ALOX5AP: variants seen among roughly 807,000 people sequenced by gnomAD.
ALOX5AP encodes arachidonate 5-lipoxygenase activating protein.
A neutral mutation model predicts 18.5 loss-of-function variants in ALOX5AP; 9 were observed. The ratio of observed to expected loss-of-function variants is 0.49; its 90% CI spans 0.29 to 0.85. The LOEUF (loss-of-function observed/expected upper bound fraction) is 0.85, where lower values mean the gene tolerates loss of function less well. Among genes scored for constraint, ALOX5AP ranks in the 40% least tolerant of loss-of-function variants. The pLI is 0.08. For missense variants in ALOX5AP, 172 were observed against 202.5 expected (o/e 0.85, Z 0.91); for synonymous variants, 81 against 78.6 (o/e 1.03, Z -0.16).
Position 30,764,310 on chromosome 13 carries a change from A to C in ALOX5AP, c.*204A>C. ...GCCCCTTGAACATGACCGTGGCCCC[A>C]AATTTGCTATTCCCATGCATTTTGT... On this transcript the variant is annotated 3_prime_UTR_variant, in exon 5 of 5. Coordinates refer to ENST00000380490, the MANE Select transcript of ALOX5AP (RefSeq NM_001629.4). The C allele has an allele frequency of 3.9e-6, 2 of 512,052 alleles. No individual in the cohort carries two copies. Among genetic ancestry groups the C allele is most frequent in the South Asian group, 6.8e-5 (2 of 29,494 alleles). The allele number at this position is 512,052 out of a possible 1,614,324, so 31.7% of individuals were successfully genotyped here.
In ALOX5AP at chr13:30,751,915, ATG is replaced by A. The variant is rs371345406; in HGVS notation, c.171-135_171-134del. ...CTGGCTGCCCCATCTTATTGGGTAG[ATG>A]TAAGTGGAATTACGAATGGGATTTA... On this transcript the variant is annotated intron_variant, in intron 2 of 4. Transcript: ENST00000380490. The A allele has an allele frequency of 3.1e-4, 248 of 810,270 alleles. 1 individual carries two copies. The African/African-American group carries it at 3.7e-3, about 12-fold the overall frequency. 50.2% of individuals were successfully genotyped at this position (810,270 alleles called of 1,614,324 possible). A position where few individuals can be genotyped will look rare whatever the true frequency, so the allele number is the denominator to read the frequency against.
At chr13:30,713,994 A>T (rs903848823) in intron 1 of ALOX5AP, among the ~76,000 whole-genome samples, 1 of 152,202 alleles carries the variant, frequency 6.6e-6, no homozygotes, top group South Asian at 2.1e-4. Flanking sequence ...CCCAGGATCT[A>T]TATCAAACTC....
At chr13:30,715,350 A>C (rs1951542038) in intron 1 of ALOX5AP, among the ~76,000 whole-genome samples, 1 of 152,220 alleles carries the variant, frequency 6.6e-6, no homozygotes, top group African/African-American at 2.4e-5. Flanking sequence ...AATGTATGAT[A>C]GTTTTCTTAT....
intron 4 of ALOX5AP, among the ~76,000 whole-genome samples, chr13:30,758,405 T>C (rs1359750868): frequency 6.6e-6 from 1 of 152,208 alleles, no homozygotes; most frequent in Non-Finnish European, 1.5e-5. Flanking sequence ...CGAGGAGGAA[T>C]TGCTAGATGA....
intron 4 of ALOX5AP, among the ~76,000 whole-genome samples, chr13:30,763,465 A>G (rs1020946908): frequency 1.6e-4 from 25 of 152,276 alleles, no homozygotes; most frequent in African/African-American, 5.8e-4. Context: ...ATGAGCCCTC[A>G]GATGCCGAAG....
At chr13:30,754,517 G>T (rs1951876626) in intron 3 of ALOX5AP, among the ~76,000 whole-genome samples, 1 of 151,856 alleles carries the variant, frequency 6.6e-6, no homozygotes, top group Non-Finnish European at 1.5e-5. Flanking sequence ...ACAGTGCTTG[G>T]CATATATCAG....
upstream of ALOX5AP, among the ~76,000 whole-genome samples, chr13:30,730,612 C>A (rs143291237): frequency 2.9e-4 from 44 of 152,244 alleles, no homozygotes; most frequent in Non-Finnish European, 5.0e-4. Context: ...GGAGGGCAAC[C>A]CTGAATGGGG....
At chr13:30,725,562 A>G (rs1038855913) in intron 1 of ALOX5AP, among the ~76,000 whole-genome samples, 1 of 152,260 alleles carries the variant, frequency 6.6e-6, no homozygotes, top group South Asian at 2.1e-4. Context: ...CCAATATGGC[A>G]CCATTCCCTG....
chr13:30,750,375 C>T (rs953372205), intron 2 of ALOX5AP, among the ~76,000 whole-genome samples: 18 of 152,154 alleles, frequency 1.2e-4, no homozygotes, highest in Non-Finnish European at 2.2e-4. Flanking sequence ...ATTTCCCTCC[C>T]TTTTTATGCC....
At chr13:30,753,755 A>C (rs998909325) in intron 3 of ALOX5AP, among the ~76,000 whole-genome samples, 3 of 152,130 alleles carry the variant, frequency 2.0e-5, no homozygotes, top group Non-Finnish European at 4.4e-5. Flanking sequence ...TGCAGGAGGC[A>C]CTCACCTTCC....
chr13:30,722,321 G>C (rs1176661338), intron 1 of ALOX5AP, among the ~76,000 whole-genome samples: 3 of 152,306 alleles, frequency 2.0e-5, no homozygotes, highest in East Asian at 3.9e-4. Flanking sequence ...CTATGTTCTT[G>C]TTCACCTTGA....
At chr13:30,752,774 G>T (rs1439099055) in intron 3 of ALOX5AP, among the ~76,000 whole-genome samples, 1 of 152,234 alleles carries the variant, frequency 6.6e-6, no homozygotes, top group Admixed American at 6.5e-5. Context: ...GCCACACTCA[G>T]TCCCATGATG....
chr13:30,714,591 G>A (rs1370156819), intron 1 of ALOX5AP, among the ~76,000 whole-genome samples: 1 of 135,334 alleles, frequency 7.4e-6, no homozygotes, highest in Non-Finnish European at 1.6e-5. Flanking sequence ...GAGGTGGGAG[G>A]TGGGGGGTGG....
intron 1 of ALOX5AP, among the ~76,000 whole-genome samples, chr13:30,738,029 C>T (rs902651761): frequency 6.6e-6 from 1 of 152,200 alleles, no homozygotes; most frequent in African/African-American, 2.4e-5. Flanking sequence ...CCCTGCCTTT[C>T]TTCTTCCTCA....
intron 2 of ALOX5AP, 26 bp downstream of exon 2, chr13:30,744,185 A>G (rs775287884): frequency 1.2e-6 from 2 of 1,603,678 alleles, no homozygotes; most frequent in African/African-American, 1.3e-5. Flanking sequence ...GATGTTGCTA[A>G]TAAGTGGGGG....
At chr13:30,762,070 C>G (rs1477076314) in intron 4 of ALOX5AP, among the ~76,000 whole-genome samples, 3 of 152,184 alleles carry the variant, frequency 2.0e-5, no homozygotes, top group Non-Finnish European at 4.4e-5. Flanking sequence ...GGCCAAGGAA[C>G]AGGGCTGGTG....
At chr13:30,763,851 A>G in intron 4 of ALOX5AP, 93 bp from the exon 5 acceptor site, 1 of 1,205,166 alleles carries the variant, frequency 8.3e-7, no homozygotes, top group Non-Finnish European at 1.2e-6. Flanking sequence ...TATAATTTAA[A>G]CCCCATATAT....
intron 1 of ALOX5AP, among the ~76,000 whole-genome samples, chr13:30,736,765 C>G (rs746272279): frequency 6.6e-6 from 1 of 152,216 alleles, no homozygotes; most frequent in Non-Finnish European, 1.5e-5. Context: ...TTGTGGCTTT[C>G]TGACCCAAAC....
At chr13:30,723,800 A>G (rs1043806929) in intron 1 of ALOX5AP, among the ~76,000 whole-genome samples, 1 of 152,174 alleles carries the variant, frequency 6.6e-6, no homozygotes, top group Non-Finnish European at 1.5e-5. Context: ...GGGTCTTGCT[A>G]TGTTGCCCAG....
Sources: allele counts gnomAD v4.1 joint callset (sites outside exome capture counted in the v4.1 genomes callset), GRCh38; gene constraint gnomAD v4.1.1; transcripts MANE v1.5; gene names NCBI Gene and HGNC (gene_info 2026-07-23, HGNC 2026-07-21).